MYT1L: variants seen among roughly 807,000 people sequenced by gnomAD.
MYT1L encodes the protein myelin transcription factor 1 like.
Under a neutral mutation model 126.7 loss-of-function variants are expected in MYT1L, and 12 were observed. The ratio of observed to expected loss-of-function variants is 0.09; its 90% CI spans 0.06 to 0.15. The LOEUF is 0.15. MYT1L is among the 10% of genes least tolerant of loss of function. The probability of loss-of-function intolerance (pLI) is 1.00; values close to 1 mark genes in which losing one functional copy is unlikely to be tolerated. For missense variants in MYT1L, 979 were observed against 1,585.2 expected (o/e 0.62, Z 6.49); for synonymous variants, 541 against 604.2 (o/e 0.90, Z 1.53).
At chr2:1,920,873 C>T (rs539527294) in intron 10 of MYT1L, among the ~76,000 whole-genome samples, 6 of 152,352 alleles carry the variant, frequency 3.9e-5, no homozygotes, top group South Asian at 2.1e-4. Context: ...ACAATCCCTT[C>T]GCTACATAAC....
chr2:2,029,465 A>G (rs2065991387), intron 4 of MYT1L, among the ~76,000 whole-genome samples: 1 of 152,202 alleles, frequency 6.6e-6, no homozygotes, highest in South Asian at 2.1e-4. Flanking sequence ...ATCAGATCTC[A>G]TGAGAGTTAT....
In MYT1L at chr2:1,949,380, C is replaced by T. The variant is rs530759245; in HGVS notation, c.153-6046G>A. On this transcript the variant is annotated intron_variant, in intron 8 of 24. Coordinates refer to ENST00000647738, the MANE Select transcript of MYT1L (RefSeq NM_001303052.2). Reference sequence around the variant, plus strand: ...CCTGGCATCCCGTCACCCCCACCCCCTCCAAGCCAGCCTGGGCCATGCCTC... The same window carrying T: ...CCTGGCATCCCGTCACCCCCACCCCTTCCAAGCCAGCCTGGGCCATGCCTC... Among the ~76,000 whole-genome samples, 8 of 152,308 alleles carry T rather than the reference C, an allele frequency of 5.3e-5. No individual in the cohort carries two copies. In the South Asian group the frequency reaches 8.3e-4, roughly 16 times the overall value.
At chr2:1,841,510 T>C (rs1558721188) in intron 19 of MYT1L, 2 of 152,330 alleles carry the variant, frequency 1.3e-5, no homozygotes, top group Non-Finnish European at 2.9e-5. Flanking sequence ...TCTTTCCCTG[T>C]GTCCTCTCCA....
intron 18 of MYT1L, among the ~76,000 whole-genome samples, chr2:1,879,173 G>T (rs571874269): frequency 6.6e-6 from 1 of 152,128 alleles, no homozygotes; most frequent in Non-Finnish European, 1.5e-5. Flanking sequence ...TCAAGAAAGC[G>T]CCTGGGAGAG....
intron 3 of MYT1L, among the ~76,000 whole-genome samples, chr2:2,123,362 T>G (rs1284566711): frequency 1.3e-5 from 2 of 152,148 alleles, no homozygotes; most frequent in Non-Finnish European, 2.9e-5. Flanking sequence ...GCAAGTGTCA[T>G]TAAGTTAAAG....
At chr2:2,166,682 A>G (rs2089180932) in intron 3 of MYT1L, among the ~76,000 whole-genome samples, 1 of 152,222 alleles carries the variant, frequency 6.6e-6, no homozygotes, top group Non-Finnish European at 1.5e-5. Context: ...TGTTTTTTGA[A>G]TATGAGATAC....
chr2:1,800,602 G>A (rs570166133), intron 23 of MYT1L, among the ~76,000 whole-genome samples: 2 of 152,302 alleles, frequency 1.3e-5, no homozygotes, highest in East Asian at 3.9e-4. Context: ...ACTGTGTCCA[G>A]TGGGTAGAAA....
chr2:1,980,212 T>C (rs1469553927), intron 5 of MYT1L, among the ~76,000 whole-genome samples: 2 of 147,720 alleles, frequency 1.4e-5, no homozygotes, highest in Admixed American at 1.4e-4. Context: ...AAACAAATAT[T>C]TATATATATA....
At chr2:1,954,622 C>T (rs1386436727) in intron 8 of MYT1L, among the ~76,000 whole-genome samples, 3 of 152,176 alleles carry the variant, frequency 2.0e-5, no homozygotes, top group African/African-American at 7.2e-5. Flanking sequence ...GGCTGTTCCA[C>T]TTTCCACTGT....
chr2:1,979,338 A>G lies in MYT1L; in HGVS notation c.90-111T>C, dbSNP rs1348529014. The G allele has an allele frequency of 6.1e-6, 7 of 1,155,796 alleles. No individual in the cohort carries two copies. Among genetic ancestry groups the G allele is most frequent in the Non-Finnish European group, 7.6e-6 (6 of 784,844 alleles). The allele number at this position is 1,155,796 out of a possible 1,614,324, so 71.6% of individuals were successfully genotyped here. A position where few individuals can be genotyped will look rare whatever the true frequency, so the allele number is the denominator to read the frequency against. On this transcript the variant is annotated intron_variant, in intron 7 of 24. Coordinates refer to ENST00000647738, the MANE Select transcript of MYT1L (RefSeq NM_001303052.2). The surrounding 1 kb of genome is among the most constrained non-coding windows in gnomAD (Gnocchi z 4.0). ...GGCTCAGACAGAGGAGAGAAATCAC[A>G]CAATCCAAAGGAGGGGGAAATTCGG...
chr2:1,908,237 G>A (rs967920046), intron 13 of MYT1L, among the ~76,000 whole-genome samples: 4 of 152,220 alleles, frequency 2.6e-5, no homozygotes, highest in African/African-American at 4.8e-5. Context: ...CCGGAACATC[G>A]GAGTGGAGGC....
intron 4 of MYT1L, among the ~76,000 whole-genome samples, chr2:1,998,680 G>C (rs912503304): frequency 3.3e-5 from 5 of 152,132 alleles, no homozygotes; most frequent in Non-Finnish European, 7.4e-5. Context: ...AGACCAGATT[G>C]ATCTTTTTTC....
chr2:2,005,087 C>G (rs1036385989), intron 4 of MYT1L, among the ~76,000 whole-genome samples: 1 of 148,402 alleles, frequency 6.7e-6, no homozygotes, highest in African/African-American at 2.5e-5. Context: ...TTCCTGCAGG[C>G]GTTCTTTCCT....
At chr2:2,000,805 A>C (rs2062292808) in intron 4 of MYT1L, among the ~76,000 whole-genome samples, 2 of 152,298 alleles carry the variant, frequency 1.3e-5, no homozygotes, top group African/African-American at 2.4e-5. Context: ...TATTTCACTA[A>C]GGGGATAATG....
At position 1,941,364 on chromosome 2, in the gene MYT1L, T is replaced by C. The variant is rs80062445; in HGVS notation, c.505+1618A>G. On this transcript the variant is annotated intron_variant, in intron 9 of 24. Coordinates refer to ENST00000647738, the MANE Select transcript of MYT1L (RefSeq NM_001303052.2). The stretch of plus-strand genomic sequence containing the variant: ...TGTATACCATCTTTCTAGTAAGCCC[T>C]GGGCAAGTTACAAATCATTAATCAG... Among the ~76,000 whole-genome samples the C allele has an allele frequency of 3.6e-3, 542 of 152,352 alleles. 2 individuals are homozygous for C. Among genetic ancestry groups the C allele is most frequent in the Non-Finnish European group, 5.4e-3 (366 of 68,038 alleles).
At chr2:1,830,606 T>C (rs950622503) in intron 21 of MYT1L, among the ~76,000 whole-genome samples, 1 of 146,028 alleles carries the variant, frequency 6.8e-6, no homozygotes, top group Non-Finnish European at 1.6e-5. Context: ...CACAGGGAGA[T>C]GTGGGAAAGG....
chr2:2,174,539 G>C (rs2090480508), intron 2 of MYT1L, among the ~76,000 whole-genome samples: 1 of 152,172 alleles, frequency 6.6e-6, no homozygotes, highest in South Asian at 2.1e-4. Flanking sequence ...GTGAGACAGA[G>C]ACAGACGTGA....
intron 8 of MYT1L, among the ~76,000 whole-genome samples, chr2:1,953,549 A>T (rs2058072576): frequency 6.6e-6 from 1 of 152,170 alleles, no homozygotes; most frequent in Admixed American, 6.5e-5. Flanking sequence ...TTTACCATCT[A>T]AGTGTCAACC....
chr2:1,860,747 C>T (rs2044482328), intron 18 of MYT1L, among the ~76,000 whole-genome samples: 1 of 152,138 alleles, frequency 6.6e-6, no homozygotes, highest in Admixed American at 6.5e-5. Flanking sequence ...TTGTCCTTAT[C>T]ACTCTCAGAG....
Sources: allele counts gnomAD v4.1 joint callset (sites outside exome capture counted in the v4.1 genomes callset), GRCh38; gene constraint gnomAD v4.1.1; non-coding constraint Gnocchi (gnomAD v3.1); transcripts MANE v1.5; gene names NCBI Gene and HGNC (gene_info 2026-07-23, HGNC 2026-07-21).